The following CNTNAP5 variants were observed in gnomAD, a reference collection of about 807,000 sequenced individuals.
CNTNAP5 encodes contactin associated protein family member 5.
In CNTNAP5, 72 loss-of-function variants were observed where a neutral mutation model predicts 150.2. The ratio of observed to expected loss-of-function variants is 0.48; its 90% CI spans 0.40 to 0.58. CNTNAP5 has a LOEUF of 0.58. CNTNAP5 is among the 20% of genes least tolerant of loss of function. The pLI, the probability that CNTNAP5 is intolerant of heterozygous loss-of-function variation, is 0.00. For missense variants in CNTNAP5, 1,636 were observed against 1,626.2 expected, an observed-to-expected ratio of 1.01 and a Z score of -0.10; for synonymous variants, 672 against 619.8, an observed-to-expected ratio of 1.08 and a Z score of -1.25.
At chr2:124,784,638 G>C (rs966510686) in intron 17 of CNTNAP5, among the ~76,000 whole-genome samples, 13 of 152,176 alleles carry the variant, frequency 8.5e-5, no homozygotes, top group African/African-American at 3.1e-4. Flanking sequence ...TTTGGTGAAA[G>C]AAAACATGTA....
chr2:124,884,654 A>T (rs372078746), intron 21 of CNTNAP5, among the ~76,000 whole-genome samples: 1 of 151,970 alleles, frequency 6.6e-6, no homozygotes, highest in Non-Finnish European at 1.5e-5. Flanking sequence ...AAACTTTCCC[A>T]TCGCTTGCTT....
Position 124,789,603 on chromosome 2 carries a change from C to T in CNTNAP5, c.2753-299C>T, listed in dbSNP as rs571956875. ...CCAGTGTCTGTTGCTCCCCTCTTTG[C>T]GTCCAAGTGTTCTCATCATTTACCT... On this transcript the variant is annotated intron_variant, in intron 17 of 23. Transcript: ENST00000682447. Among the ~76,000 whole-genome samples the T allele has an allele frequency of 4.6e-5, 7 of 152,186 alleles. No individual in the cohort carries two copies. In the South Asian group the frequency reaches 1.0e-3, roughly 23 times the overall value.
intron 1 of CNTNAP5, among the ~76,000 whole-genome samples, chr2:124,123,242 C>G (rs907357525): frequency 2.0e-5 from 3 of 152,180 alleles, no homozygotes; most frequent in Non-Finnish European, 2.9e-5. Flanking sequence ...AATGGCACAC[C>G]AGGAGATTAT....
At chr2:124,808,702 C>A (rs1057355051) in intron 19 of CNTNAP5, among the ~76,000 whole-genome samples, 1 of 152,000 alleles carries the variant, frequency 6.6e-6, no homozygotes, top group Non-Finnish European at 1.5e-5. Context: ...AATATGAACT[C>A]ACTGTGGGAA....
chr2:124,313,185 T>A (rs1403459828), intron 3 of CNTNAP5, among the ~76,000 whole-genome samples: 2 of 152,226 alleles, frequency 1.3e-5, no homozygotes, highest in Non-Finnish European at 2.9e-5. Flanking sequence ...ATTCAATTCG[T>A]ACCAAAAATA....
chr2:124,756,199 A>G (rs557123757), intron 14 of CNTNAP5, among the ~76,000 whole-genome samples: 5 of 152,238 alleles, frequency 3.3e-5, no homozygotes, highest in Non-Finnish European at 7.3e-5. Flanking sequence ...ATGTATTGCA[A>G]ATCAAAACCA....
At chr2:124,818,434 A>G (rs989989732) in intron 19 of CNTNAP5, among the ~76,000 whole-genome samples, 16 of 152,096 alleles carry the variant, frequency 1.1e-4, no homozygotes, top group African/African-American at 2.9e-4. Context: ...GGCAGAGGTG[A>G]GAGGATGACT....
chr2:124,816,556 C>A (rs1682366779), intron 19 of CNTNAP5, among the ~76,000 whole-genome samples: 1 of 148,010 alleles, frequency 6.8e-6, no homozygotes. Flanking sequence ...CAGCTCACTG[C>A]AACCTCCATC....
At chr2:124,722,469 A>G (rs950048650) in intron 13 of CNTNAP5, among the ~76,000 whole-genome samples, 4 of 152,170 alleles carry the variant, frequency 2.6e-5, no homozygotes, top group African/African-American at 7.2e-5. Context: ...AGATGGTGTC[A>G]TAGGTCCCAA....
intron 3 of CNTNAP5, among the ~76,000 whole-genome samples, chr2:124,329,247 G>C (rs1689290933): frequency 6.6e-6 from 1 of 150,730 alleles, no homozygotes; most frequent in Non-Finnish European, 1.5e-5. Flanking sequence ...GTAATTTATG[G>C]AAAAAAAAAT....
chr2:124,128,203 C>T (rs747657723), intron 1 of CNTNAP5, among the ~76,000 whole-genome samples: 25 of 152,080 alleles, frequency 1.6e-4, no homozygotes, highest in Non-Finnish European at 1.2e-4. Flanking sequence ...AGAACTTCAA[C>T]AAATTTACAA....
intron 1 of CNTNAP5, among the ~76,000 whole-genome samples, chr2:124,154,624 G>C (rs1684481635): frequency 6.6e-6 from 1 of 152,180 alleles, no homozygotes; most frequent in Non-Finnish European, 1.5e-5. Flanking sequence ...AGAAAGGTCA[G>C]TGCTGCCTTG....
At chr2:124,067,082 T>C (rs987576014) in intron 1 of CNTNAP5, among the ~76,000 whole-genome samples, 1 of 152,200 alleles carries the variant, frequency 6.6e-6, no homozygotes, top group African/African-American at 2.4e-5. Context: ...GTCTTCTAGA[T>C]GCTTTGCACT....
intron 1 of CNTNAP5, among the ~76,000 whole-genome samples, chr2:124,095,542 T>C (rs928125530): frequency 6.6e-6 from 1 of 152,136 alleles, no homozygotes; most frequent in African/African-American, 2.4e-5. Context: ...CCAATTTCCT[T>C]ATCTGGCTCT....
chr2:124,317,580 A>T (rs995542210), intron 3 of CNTNAP5, among the ~76,000 whole-genome samples: 4 of 148,690 alleles, frequency 2.7e-5, no homozygotes, highest in African/African-American at 7.4e-5. Context: ...AAATCTCAGA[A>T]TTTTTTTTTT....
intron 3 of CNTNAP5, among the ~76,000 whole-genome samples, chr2:124,295,319 G>T (rs1381482047): frequency 6.6e-6 from 1 of 151,884 alleles, no homozygotes; most frequent in South Asian, 2.1e-4. Flanking sequence ...CGTTTATATG[G>T]AATGGATTAT....
rs796461537 is a variant in CNTNAP5, at chr2:124,902,403, G to T, written c.3437-479G>T. Among the ~76,000 whole-genome samples the T allele has an allele frequency of 3.3e-5, 5 of 152,218 alleles. 1 individual carries two copies. Among genetic ancestry groups the T allele is most frequent in the African/African-American group, 1.2e-4 (5 of 41,544 alleles). ...AATTTACACAATAAATCTTTGGAAG[G>T]ACAACATTGACTTCTAATCCCTCTA... On this transcript the variant is annotated intron_variant, in intron 21 of 23. Transcript: ENST00000682447.
intron 1 of CNTNAP5, among the ~76,000 whole-genome samples, chr2:124,170,080 G>T (rs1193458573): frequency 6.6e-6 from 1 of 152,166 alleles, no homozygotes; most frequent in East Asian, 1.9e-4. Context: ...CCAGGAGAGA[G>T]AAGAGGCAGC....
In CNTNAP5 at chr2:124,221,743, A is replaced by G. The variant is rs573553026; in HGVS notation, c.121A>G (p.Met41Val). The G allele has an allele frequency of 1.7e-5, 27 of 1,611,900 alleles. No individual in the cohort carries two copies. The East Asian group carries it at 3.3e-4, about 20-fold the overall frequency. ...TCCACTAGCATCCCTGCTCTCTCCA[A>G]TGGCTTTTTCCAGTTCCTCAGACCT... ...DDPLASLLSP[M>V]AFSSSSDLTG... Residue 41 changes from methionine to valine, a missense_variant, in exon 2 of 24, where the codon ATG (methionine) becomes GTG (valine). Physicochemically the swap from Met to Val is conservative, Grantham distance 21. Coordinates refer to ENST00000682447, the MANE Select transcript of CNTNAP5 (RefSeq NM_001367498.1).
Sources: gnomAD v4.1 joint callset for allele counts (sites outside exome capture counted in the v4.1 genomes callset) on GRCh38, gnomAD v4.1.1 for gene constraint, MANE v1.5 for transcripts, NCBI Gene and HGNC (gene_info 2026-07-23, HGNC 2026-07-21) for gene names.